TMPRSS15: variants seen among roughly 807,000 people sequenced by gnomAD.
TMPRSS15 encodes the protein enteropeptidase.
In TMPRSS15, 128 loss-of-function variants were observed where a neutral mutation model predicts 125.3. The observed-to-expected ratio is 1.02, with a 90% CI of 0.89 to 1.18. TMPRSS15 has a LOEUF of 1.18. Ranked by LOEUF, TMPRSS15 falls within the 50% of genes most tolerant of loss-of-function variation. The pLI, the probability that TMPRSS15 is intolerant of heterozygous loss-of-function variation, is 0.00. For synonymous variants in TMPRSS15, 446 were observed against 423.2 expected, an observed-to-expected ratio of 1.05 and a Z score of -0.66; for missense variants, 1,283 against 1,212.7, an observed-to-expected ratio of 1.06 and a Z score of -0.86.
At chr21:18,281,345 A>C in intron 21 of TMPRSS15, 124 bp from the exon 22 acceptor site, 1 of 865,112 alleles carries the variant, frequency 1.2e-6, no homozygotes, top group Non-Finnish European at 1.9e-6. Context: ...TTCTCTGAAG[A>C]ATCATCCTTT....
chr21:18,466,176 T>C (rs1169444669), intron 1 of TMPRSS15, among the ~76,000 whole-genome samples: 2 of 152,198 alleles, frequency 1.3e-5, no homozygotes, highest in Non-Finnish European at 2.9e-5. Flanking sequence ...ATTCCCTATT[T>C]AATAAATGGT....
intron 19 of TMPRSS15, among the ~76,000 whole-genome samples, chr21:18,297,362 C>T (rs1568990488): frequency 6.6e-6 from 1 of 152,044 alleles, no homozygotes; most frequent in Non-Finnish European, 1.5e-5. Context: ...TTTGGTCTGC[C>T]TCCAGTCTGA....
At chr21:18,347,561 C>A (rs766990370) in intron 10 of TMPRSS15, among the ~76,000 whole-genome samples, 1 of 152,046 alleles carries the variant, frequency 6.6e-6, no homozygotes. Context: ...TTATATGTGA[C>A]TTTTTAAACT....
At chr21:18,367,544 T>C (rs1227111842) in intron 6 of TMPRSS15, among the ~76,000 whole-genome samples, 2 of 152,132 alleles carry the variant, frequency 1.3e-5, no homozygotes, top group East Asian at 3.8e-4. Flanking sequence ...AGCTTTTAAA[T>C]CACAGTTTGT....
chr21:18,315,083 C>A, intron 17 of TMPRSS15, 63 bp downstream of exon 17: 1 of 1,261,390 alleles, frequency 7.9e-7, no homozygotes. Context: ...CTTTCTTTGA[C>A]ACTGTAGAGT....
At chr21:18,299,467 G>T (rs1009103305) in intron 18 of TMPRSS15, among the ~76,000 whole-genome samples, 1 of 152,304 alleles carries the variant, frequency 6.6e-6, no homozygotes, top group African/African-American at 2.4e-5. Flanking sequence ...ATCAAGGGAT[G>T]CCATTTCAAA....
At chr21:18,476,712 T>G (rs1216364747) in intron 1 of TMPRSS15, among the ~76,000 whole-genome samples, 1 of 152,130 alleles carries the variant, frequency 6.6e-6, no homozygotes, top group Non-Finnish European at 1.5e-5. Flanking sequence ...AGAAAAACAT[T>G]GCTGCATTAA....
chr21:18,301,757 T>C (rs1382171516), intron 18 of TMPRSS15, among the ~76,000 whole-genome samples: 1 of 152,238 alleles, frequency 6.6e-6, no homozygotes, highest in Non-Finnish European at 1.5e-5. Flanking sequence ...ATTACCTTGT[T>C]GACATACTAA....
At chr21:18,273,821 T>C (rs2074588978) in intron 24 of TMPRSS15, among the ~76,000 whole-genome samples, 1 of 152,222 alleles carries the variant, frequency 6.6e-6, no homozygotes, top group Non-Finnish European at 1.5e-5. Context: ...CCTATTTGTC[T>C]TGAATTTGCA....
upstream of TMPRSS15, among the ~76,000 whole-genome samples, chr21:18,404,053 T>TCTA (rs746684520): frequency 9.9e-5 from 15 of 152,200 alleles, no homozygotes; most frequent in Non-Finnish European, 2.1e-4. Flanking sequence ...AGATCAACCT[T>TCTA]CTACCCTCTG....
intron 21 of TMPRSS15, among the ~76,000 whole-genome samples, chr21:18,283,163 G>A (rs557716613): frequency 6.6e-6 from 1 of 152,242 alleles, no homozygotes; most frequent in South Asian, 2.1e-4. Flanking sequence ...ACTGTACCCT[G>A]GGATTCCCGT....
chr21:18,293,926 A>G (rs1010025641), intron 21 of TMPRSS15, among the ~76,000 whole-genome samples: 2 of 152,258 alleles, frequency 1.3e-5, no homozygotes, highest in Non-Finnish European at 2.9e-5. Flanking sequence ...AATGGTAACC[A>G]GTACAATTTA....
intron 23 of TMPRSS15, among the ~76,000 whole-genome samples, chr21:18,278,166 C>T (rs2074644049): frequency 6.6e-6 from 1 of 152,044 alleles, no homozygotes; most frequent in South Asian, 2.1e-4. Context: ...GAGGCCTTCA[C>T]ATTATAAATA....
intron 1 of TMPRSS15, among the ~76,000 whole-genome samples, chr21:18,466,103 C>T (rs867455809): frequency 5.9e-5 from 9 of 152,112 alleles, no homozygotes; most frequent in Admixed American, 2.6e-4. Flanking sequence ...TCAGAAATAA[C>T]GTCACATATC....
intron 22 of TMPRSS15, among the ~76,000 whole-genome samples, chr21:18,280,575 C>CAAAAAAAAAAAAAAAAAAAAAAAA (rs1230513414): frequency 5.0e-4 from 24 of 48,340 alleles, no homozygotes; most frequent in African/African-American, 1.8e-3. Context: ...GACTCCGTCT[C>CAAAAAAAAAAAAAAAAAAAAAAAA]AAAAAAAAAA....
At chr21:18,299,281 A>T (rs1488336642) in intron 18 of TMPRSS15, among the ~76,000 whole-genome samples, 1 of 152,232 alleles carries the variant, frequency 6.6e-6, no homozygotes, top group Non-Finnish European at 1.5e-5. Flanking sequence ...GAATGTAGAA[A>T]GTCTGGAATG....
rs1396634480 is a variant in TMPRSS15 at position 18,385,752 on chromosome 21, T to C, written c.345-1974A>G. Among the ~76,000 whole-genome samples the C allele has an allele frequency of 5.6e-5, 8 of 143,988 alleles. No homozygotes were observed. The East Asian group carries it at 1.6e-3, about 29-fold the overall frequency. 94.5% of individuals were successfully genotyped at this position (143,988 alleles called of 152,430 possible). On this transcript the variant is annotated intron_variant, in intron 3 of 24. Transcript: ENST00000284885. ...TCTTGTGATGTCAGATAATAAACACTTTTTTTTTTTGAGATGGAGTCTCTC... is the reference window on the plus strand; with the variant it reads ...TCTTGTGATGTCAGATAATAAACACCTTTTTTTTTTGAGATGGAGTCTCTC...
At chr21:18,293,999 A>G (rs1429366452) in intron 21 of TMPRSS15, among the ~76,000 whole-genome samples, 1 of 152,212 alleles carries the variant, frequency 6.6e-6, no homozygotes, top group African/African-American at 2.4e-5. Flanking sequence ...AAAAGTTTCC[A>G]TTTTTATGTA....
rs1030299321 is a variant in TMPRSS15 at position 18,313,064 on chromosome 21, A to G, written c.2046T>C (p.Asn682=). 2 of 1,613,878 alleles carry G rather than the reference A, an allele frequency of 1.2e-6. No individual in the cohort carries two copies. Among genetic ancestry groups the G allele is most frequent in the South Asian group, 2.2e-5 (2 of 91,076 alleles). The change falls in exon 18 of 25, where the codon AAT becomes AAC. Residue 682 remains asparagine, a synonymous_variant. Transcript: ENST00000284885. ...SDEADCVRFF[N]GTTNNNGLVR... Reference sequence around the variant, plus strand: ...CTAAACCATTGTTGTTCGTTGTGCCATTGAAAAAACGCACTAAAGACACAG... The same window carrying G: ...CTAAACCATTGTTGTTCGTTGTGCCGTTGAAAAAACGCACTAAAGACACAG...
Sources: gnomAD v4.1 joint callset for allele counts (sites outside exome capture counted in the v4.1 genomes callset) on GRCh38, gnomAD v4.1.1 for gene constraint, MANE v1.5 for transcripts, NCBI Gene and HGNC (gene_info 2026-07-23, HGNC 2026-07-21) for gene names.